The following DOCK3 variants were observed in gnomAD, a reference collection of about 807,000 sequenced individuals.
The protein encoded by DOCK3 is dedicator of cytokinesis protein 3.
A neutral mutation model predicts 265.6 loss-of-function variants in DOCK3; 60 were observed. The ratio of observed to expected loss-of-function variants is 0.23; its 90% CI spans 0.18 to 0.28. The LOEUF (loss-of-function observed/expected upper bound fraction) is 0.28. Ranked by LOEUF, DOCK3 falls within the 10% of genes least tolerant of loss-of-function variation. DOCK3 has a pLI of 1.00. For synonymous variants in DOCK3, 881 were observed against 938.0 expected (o/e 0.94, Z 1.11); for missense variants, 1,981 against 2,594.3 (o/e 0.76, Z 5.14).
intron 27 of DOCK3, among the ~76,000 whole-genome samples, chr3:51,306,399 T>C (rs947819598): frequency 1.1e-4 from 16 of 152,232 alleles, no homozygotes; most frequent in Non-Finnish European, 4.4e-5. Context: ...TGCGAATCTC[T>C]TTGATTTTAT....
intron 7 of DOCK3, among the ~76,000 whole-genome samples, chr3:51,075,943 G>A (rs1267935116): frequency 6.6e-6 from 1 of 152,020 alleles, no homozygotes; most frequent in Non-Finnish European, 1.5e-5. Context: ...ATAAATGAAG[G>A]GTACAATATT....
At chr3:50,865,903 G>T (rs561787540) in intron 3 of DOCK3, among the ~76,000 whole-genome samples, 1 of 152,310 alleles carries the variant, frequency 6.6e-6, no homozygotes, top group African/African-American at 2.4e-5. Context: ...CTGATGATCA[G>T]TGATGTTGAG....
intron 3 of DOCK3, among the ~76,000 whole-genome samples, chr3:50,888,970 A>T (rs1427422290): frequency 6.6e-6 from 1 of 152,022 alleles, no homozygotes; most frequent in Non-Finnish European, 1.5e-5. Context: ...GCCAAAATAC[A>T]AAACTCATTA....
rs529707645 is a variant in DOCK3, at chr3:50,983,936, G to A, written c.315+49859G>A. ...TGTTCTTGGTGTCTCCAGGCTTCCT[G>A]TTGCCACTCTGTTCCCTGGTGCCAG... On this transcript the variant is annotated intron_variant, in intron 5 of 52. Transcript: ENST00000266037. 2.0e-5 allele frequency among the ~76,000 whole-genome samples: 3 copies of A among 152,314 alleles called. No homozygotes were observed. The East Asian group carries it at 5.8e-4, about 29-fold the overall frequency.
intron 2 of DOCK3, among the ~76,000 whole-genome samples, chr3:50,817,324 A>G (rs1452558826): frequency 1.3e-5 from 2 of 152,152 alleles, no homozygotes; most frequent in African/African-American, 4.8e-5. Context: ...TATTTTACCC[A>G]GCTCCTATTT....
chr3:51,074,329 T>TA (rs1428056490), intron 6 of DOCK3, among the ~76,000 whole-genome samples: 1 of 152,180 alleles, frequency 6.6e-6, no homozygotes, highest in Non-Finnish European at 1.5e-5. Context: ...AGAGCTGTTG[T>TA]CTTAGAGTGC....
rs1454036639 is a variant in DOCK3, at chr3:51,214,114, T to C, written c.1127-8T>C. Reference sequence around the variant, plus strand: ...TGTGGTTCTAAGAAAATGCTTTTGTTTTTGCAGGTCTTATCATTTCTCTGC... The same window carrying C: ...TGTGGTTCTAAGAAAATGCTTTTGTCTTTGCAGGTCTTATCATTTCTCTGC... On this transcript the variant is annotated splice_region_variant and splice_polypyrimidine_tract_variant and intron_variant, in intron 13 of 52. Transcript: ENST00000266037. 2 of 1,613,580 alleles carry C rather than the reference T, an allele frequency of 1.2e-6. No individual in the cohort carries two copies. The highest frequency in any genetic ancestry group is 1.7e-5 in the Admixed American group (1 of 59,940).
chr3:51,207,860 C>T (rs1307399253), intron 12 of DOCK3, among the ~76,000 whole-genome samples: 11 of 152,100 alleles, frequency 7.2e-5, no homozygotes, highest in Non-Finnish European at 1.3e-4. Context: ...CAACAGGGGA[C>T]GGGGTAGAAC....
intron 12 of DOCK3, among the ~76,000 whole-genome samples, chr3:51,193,781 T>A (rs1217561426): frequency 6.8e-6 from 1 of 147,378 alleles, no homozygotes; most frequent in Non-Finnish European, 1.5e-5. Flanking sequence ...TTTTTTCTGA[T>A]TTTATTTGGG....
At chr3:50,997,899 C>G (rs2078339223) in intron 5 of DOCK3, among the ~76,000 whole-genome samples, 1 of 152,018 alleles carries the variant, frequency 6.6e-6, no homozygotes, top group South Asian at 2.1e-4. Context: ...CTGGAAAGAG[C>G]TTTTTTATTT....
chr3:50,863,358 CG>C (rs2047000075), intron 3 of DOCK3: 1 of 511,514 alleles, frequency 2.0e-6, no homozygotes, highest in African/African-American at 1.9e-5. Flanking sequence ...GCTGGCTACC[CG>C]GTTCTTTGTG....
chr3:50,953,599 A>G (rs1383868433), intron 5 of DOCK3, among the ~76,000 whole-genome samples: 1 of 152,168 alleles, frequency 6.6e-6, no homozygotes, highest in African/African-American at 2.4e-5. Flanking sequence ...TCCTTAGGAA[A>G]TACAATAAAT....
At chr3:51,101,739 A>G (rs1046398742) in intron 9 of DOCK3, among the ~76,000 whole-genome samples, 1 of 152,180 alleles carries the variant, frequency 6.6e-6, no homozygotes, top group Non-Finnish European at 1.5e-5. Flanking sequence ...CATTAAATCT[A>G]TAGTTGCAAA....
Position 51,214,255 on chromosome 3 carries a change from G to C in DOCK3, c.1252+8G>C. On this transcript the variant is annotated splice_region_variant and intron_variant, in intron 14 of 52. Coordinates refer to ENST00000266037, the MANE Select transcript of DOCK3 (RefSeq NM_004947.5). ...CTGATGTCATTATGCCAGGTATGCA[G>C]AACTGCTTGGGGCTGGGAAGGAAGA... 1.9e-6 allele frequency: 3 copies of C among 1,613,272 alleles called. No individual in the cohort carries two copies. Among genetic ancestry groups the C allele is most frequent in the Non-Finnish European group, 2.5e-6 (3 of 1,179,556 alleles).
In DOCK3 at chr3:51,366,739, G is replaced by C. The variant is rs1488418125; in HGVS notation, c.5293+4065G>C. Among the ~76,000 whole-genome samples the C allele has an allele frequency of 3.3e-5, 5 of 152,216 alleles. No homozygotes were observed. The South Asian group carries it at 1.0e-3, about 32-fold the overall frequency. On this transcript the variant is annotated intron_variant, in intron 49 of 52. Transcript: ENST00000266037. ...ATATCTTTATTTCTGCCTTCATTTC[G>C]TTATGTACCCAGTAGTCATTCAGGA...
intron 4 of DOCK3, among the ~76,000 whole-genome samples, chr3:50,928,835 G>A (rs984424294): frequency 3.9e-5 from 6 of 152,228 alleles, no homozygotes; most frequent in Non-Finnish European, 8.8e-5. Flanking sequence ...AAAGTCATAT[G>A]CATTCAGTAG....
intron 52 of DOCK3, among the ~76,000 whole-genome samples, chr3:51,380,729 C>T (rs1441452250): frequency 6.6e-6 from 1 of 151,404 alleles, no homozygotes; most frequent in Non-Finnish European, 1.5e-5. Context: ...CTTTCTGCCC[C>T]TCCTCAACAG....
At chr3:50,871,673 AT>A (rs1418629782) in intron 3 of DOCK3, among the ~76,000 whole-genome samples, 2 of 151,888 alleles carry the variant, frequency 1.3e-5, no homozygotes, top group Non-Finnish European at 1.5e-5. Context: ...TTTTGAGGCT[AT>A]TTTCTAAAAC....
chr3:50,952,705 A>G (rs1467858831), intron 5 of DOCK3, among the ~76,000 whole-genome samples: 2 of 152,094 alleles, frequency 1.3e-5, no homozygotes, highest in Admixed American at 6.5e-5. Flanking sequence ...ATTGTATGTA[A>G]TAGTTGGAAG....
Sources: allele counts gnomAD v4.1 joint callset (sites outside exome capture counted in the v4.1 genomes callset), GRCh38; gene constraint gnomAD v4.1.1; transcripts MANE v1.5; gene names NCBI Gene and HGNC (gene_info 2026-07-23, HGNC 2026-07-21).